Variants in CCDC171 observed in about 807,000 individuals in gnomAD.
CCDC171 encodes the protein coiled-coil domain-containing protein 171.
In CCDC171, 177 loss-of-function variants were observed where a neutral mutation model predicts 168.2. That is an observed-to-expected ratio of 1.05 (90% CI 0.93 to 1.19). The LOEUF (loss-of-function observed/expected upper bound fraction) is 1.19, where lower values mean the gene tolerates loss of function less well. Ranked by LOEUF, CCDC171 falls within the 50% of genes most tolerant of loss-of-function variation. CCDC171 has a pLI of 0.00. For missense variants in CCDC171, 1,991 were observed against 1,539.0 expected, an observed-to-expected ratio of 1.29 and a Z score of -4.91; for synonymous variants, 687 against 540.8, an observed-to-expected ratio of 1.27 and a Z score of -3.75.
intron 11 of CCDC171, among the ~76,000 whole-genome samples, chr9:15,718,898 A>C (rs1192693919): frequency 2.6e-5 from 4 of 152,150 alleles, no homozygotes; most frequent in Non-Finnish European, 4.4e-5. Context: ...ACTAAAATAA[A>C]TAACTAACTC....
intron 18 of CCDC171, among the ~76,000 whole-genome samples, chr9:15,762,247 A>G (rs2056486549): frequency 6.6e-6 from 1 of 152,066 alleles, no homozygotes; most frequent in East Asian, 1.9e-4. Flanking sequence ...TTGTAAAAGA[A>G]CAAAAAAAAT....
intron 21 of CCDC171, among the ~76,000 whole-genome samples, chr9:15,796,151 A>C (rs531574774): frequency 5.3e-5 from 8 of 152,218 alleles, no homozygotes; most frequent in Non-Finnish European, 1.0e-4. Flanking sequence ...GCATTCTAAG[A>C]GATAAGGTAT....
intron 21 of CCDC171, among the ~76,000 whole-genome samples, chr9:15,794,338 A>C (rs549408808): frequency 1.3e-5 from 2 of 152,110 alleles, no homozygotes; most frequent in Admixed American, 1.3e-4. Flanking sequence ...GTTGGTGGGC[A>C]CCTGCAATCC....
chr9:15,857,414 T>A (rs1235514814), intron 23 of CCDC171, among the ~76,000 whole-genome samples: 2 of 151,900 alleles, frequency 1.3e-5, no homozygotes, highest in African/African-American at 4.8e-5. Context: ...TAATATGGTG[T>A]AAGGTAGGCT....
At chr9:15,951,265 C>T (rs3008673) in intron 25 of CCDC171, among the ~76,000 whole-genome samples, 66,477 of 145,718 alleles carry the variant, frequency 0.46, 15,350 homozygotes, top group African/African-American at 0.51. Context: ...GGCTCTGCAC[C>T]AAGTGGACCT....
At chr9:15,812,555 G>C (rs78752420) in intron 21 of CCDC171, among the ~76,000 whole-genome samples, 4 of 152,048 alleles carry the variant, frequency 2.6e-5, no homozygotes, top group African/African-American at 9.7e-5. Context: ...AAATTGTATC[G>C]GCCACAAAAA....
rs544115166 is a variant in CCDC171 at position 15,615,494 on chromosome 9, G to C, written c.676-7773G>C. On this transcript the variant is annotated intron_variant, in intron 6 of 25. Transcript: ENST00000380701. Reference sequence around the variant, plus strand: ...CATTGAAAATGTGATTGTTAGGTCAGAATTTTATCTAAATCTTGAAATACT... The same window carrying C: ...CATTGAAAATGTGATTGTTAGGTCACAATTTTATCTAAATCTTGAAATACT... Among the ~76,000 whole-genome samples the C allele has an allele frequency of 7.9e-5, 12 of 152,224 alleles. No individual in the cohort carries two copies. The South Asian group carries it at 8.3e-4, about 11-fold the overall frequency.
chr9:15,616,510 T>G (rs442549), intron 6 of CCDC171, among the ~76,000 whole-genome samples: 82,437 of 151,876 alleles, frequency 0.54, 22,656 homozygotes, highest in East Asian at 0.76. Context: ...AGCATCTTTT[T>G]GTTATAGACT....
At chr9:16,102,881 G>A in the CCDC171 span, among the ~76,000 whole-genome samples, 1 of 152,102 alleles carries the variant, frequency 6.6e-6, no homozygotes, top group Non-Finnish European at 1.5e-5. Flanking sequence ...TATACAAATG[G>A]ACCTCTTTAG....
intron 3 of CCDC171, among the ~76,000 whole-genome samples, chr9:15,996,417 C>CTTTTTTT (rs34798326): frequency 4.6e-5 from 3 of 64,596 alleles, no homozygotes; most frequent in African/African-American, 1.7e-4. Context: ...CTAGGAGGCT[C>CTTTTTTT]TTTTTTTTTT....
At chr9:15,678,479 A>T (rs1036033638) in intron 9 of CCDC171, among the ~76,000 whole-genome samples, 2 of 152,204 alleles carry the variant, frequency 1.3e-5, no homozygotes, top group Non-Finnish European at 2.9e-5. Context: ...TTTGCTCGTC[A>T]AAAATGATGG....
In CCDC171 at chr9:15,829,912, C is replaced by A. The variant is rs140320406; in HGVS notation, c.3268-16790C>A. Among the ~76,000 whole-genome samples, 102 of 152,014 alleles carry A rather than the reference C, an allele frequency of 6.7e-4. No individual in the cohort carries two copies. The Middle Eastern group carries it at 0.014, about 20-fold the overall frequency. On this transcript the variant is annotated intron_variant, in intron 21 of 25. Transcript: ENST00000380701. ...TCCAGCCTGGACAACAGAGTGAGAC[C>A]CTGCTCAAAAAAATGTGCAATAATG...
At chr9:15,963,203 G>A (rs1364906611) in intron 25 of CCDC171, among the ~76,000 whole-genome samples, 1 of 152,074 alleles carries the variant, frequency 6.6e-6, no homozygotes, top group Non-Finnish European at 1.5e-5. Context: ...AGCAGGGAGG[G>A]ATAGCATTAG....
Position 15,949,350 on chromosome 9 carries a change from T to G in CCDC171, c.3754-22259T>G, listed in dbSNP as rs139858439. On this transcript the variant is annotated intron_variant, in intron 25 of 25. Transcript: ENST00000380701. ...GAACTTTAAAGTAGTTTTTTCCAATTCTGTGAAGAAAGTCATTAGTAGCTT... is the reference window on the plus strand; with the variant it reads ...GAACTTTAAAGTAGTTTTTTCCAATGCTGTGAAGAAAGTCATTAGTAGCTT... Among the ~76,000 whole-genome samples the G allele has an allele frequency of 1.7e-3, 259 of 152,304 alleles. 2 individuals are homozygous for G. Among genetic ancestry groups the G allele is most frequent in the African/African-American group, 5.8e-3 (241 of 41,560 alleles).
At chr9:15,623,036 C>T (rs534997740) in intron 6 of CCDC171, among the ~76,000 whole-genome samples, 15 of 152,220 alleles carry the variant, frequency 9.9e-5, no homozygotes, top group East Asian at 1.9e-4. Context: ...TAACATTTTC[C>T]GTTGTAATAT....
chr9:15,672,782 C>T (rs777896141), intron 9 of CCDC171, among the ~76,000 whole-genome samples: 15 of 152,070 alleles, frequency 9.9e-5, no homozygotes, highest in Non-Finnish European at 1.9e-4. Context: ...AGTCAGATAG[C>T]GTGATGCCTC....
intron 23 of CCDC171, among the ~76,000 whole-genome samples, chr9:15,859,349 T>A (rs1403321662): frequency 6.6e-6 from 1 of 152,040 alleles, no homozygotes; most frequent in Non-Finnish European, 1.5e-5. Context: ...GTAGCTTTTT[T>A]TTTCTTGTGA....
chr9:15,874,635 AG>A lies in CCDC171; in HGVS notation c.3575del (p.Gly1192AlafsTer6). The A allele has an allele frequency of 6.2e-7, 1 of 1,600,646 alleles. No homozygotes were observed. The highest frequency in any genetic ancestry group is 8.5e-7 in the Non-Finnish European group (1 of 1,173,358). On this transcript the variant is annotated frameshift_variant, in exon 24 of 26. Coordinates refer to ENST00000380701, the MANE Select transcript of CCDC171 (RefSeq NM_173550.4). LOFTEE classifies it high-confidence loss of function. ...GAGACCTTTGCAATGGAGGGGCTCA[AG>A]GGCGGGCCAGAGGTGGTAGCATGCC... ...HLETFAMEGL[K>X]GGPEVVACQA... is the part of the protein sequence containing the mutation.
At chr9:15,608,550 A>G (rs998284109) in intron 6 of CCDC171, among the ~76,000 whole-genome samples, 1 of 152,052 alleles carries the variant, frequency 6.6e-6, no homozygotes, top group Non-Finnish European at 1.5e-5. Context: ...CTTCCTTGAC[A>G]TTGACCATGT....
Sources: allele counts gnomAD v4.1 joint callset (sites outside exome capture counted in the v4.1 genomes callset), GRCh38; gene constraint gnomAD v4.1.1; transcripts MANE v1.5; gene names NCBI Gene and HGNC (gene_info 2026-07-23, HGNC 2026-07-21).